The following SLCO2B1 variants were observed in gnomAD, a reference collection of about 807,000 sequenced individuals.
The protein encoded by SLCO2B1 is solute carrier organic anion transporter family member 2B1, also known as OATP-RP2.
SLCO2B1 carries 41 observed loss-of-function variants against 67.3 expected under a neutral mutation model. The ratio of observed to expected loss-of-function variants is 0.61; its 90% confidence interval spans 0.47 to 0.79. SLCO2B1 has a LOEUF of 0.79. Among genes scored for constraint, SLCO2B1 ranks in the 30% least tolerant of loss-of-function variants. The pLI, the probability that SLCO2B1 is intolerant of heterozygous loss-of-function variation, is 0.00. For synonymous variants in SLCO2B1, 379 were observed against 381.4 expected, an observed-to-expected ratio of 0.99 and a Z score of 0.07; for missense variants, 837 against 920.1, an observed-to-expected ratio of 0.91 and a Z score of 1.17.
chr11:75,200,641 A>G, intron 11 of SLCO2B1: 1 of 398,612 alleles, frequency 2.5e-6, no homozygotes, highest in Non-Finnish European at 4.5e-6. Flanking sequence ...GTTGGGTGGA[A>G]TAGTACTGGT....
At position 75,172,408 on chromosome 11, in the gene SLCO2B1, C is replaced by T. The variant is rs75431210; in HGVS notation, c.811C>T (p.Arg271Ter). ...GGISLTIKDP[R>*]WVGAWWLGFL... The stretch of plus-strand genomic sequence containing the variant: ...TATCAGCCTGACCATAAAGGACCCC[C>T]GATGGGTGGGTGCCTGGTGGCTGGG... The change falls in exon 7 of 14, where the codon CGA (arginine) becomes TGA (stop). Residue 271 changes from arginine to a stop codon, truncating the protein, a stop_gained. Coordinates refer to ENST00000289575, the MANE Select transcript of SLCO2B1 (RefSeq NM_007256.5). LOFTEE classifies it high-confidence loss of function. 3.1e-6 allele frequency: 5 copies of T among 1,613,926 alleles called. No homozygotes were observed. Among genetic ancestry groups the T allele is most frequent in the South Asian group, 2.2e-5 (2 of 91,048 alleles).
chr11:75,172,674 A>G (rs1362343874), intron 7 of SLCO2B1, 105 bp downstream of exon 7: 28 of 1,062,474 alleles, frequency 2.6e-5, no homozygotes, highest in Non-Finnish European at 3.6e-5. Context: ...TCACATCTGT[A>G]GTTCCAGCAC....
At chr11:75,182,214 T>A (rs1165243043) in intron 7 of SLCO2B1, among the ~76,000 whole-genome samples, 3 of 152,126 alleles carry the variant, frequency 2.0e-5, no homozygotes, top group Non-Finnish European at 4.4e-5. Flanking sequence ...ACCCAGCCCC[T>A]GAAGGTCTGT....
chr11:75,185,615 G>A (rs892503428), intron 7 of SLCO2B1, among the ~76,000 whole-genome samples: 3 of 143,224 alleles, frequency 2.1e-5, no homozygotes, highest in African/African-American at 7.8e-5. Context: ...TCTGAATCCA[G>A]ACCCCAAGAG....
chr11:75,173,185 A>G (rs1361992095), intron 7 of SLCO2B1, among the ~76,000 whole-genome samples: 1 of 152,150 alleles, frequency 6.6e-6, no homozygotes, highest in Non-Finnish European at 1.5e-5. Flanking sequence ...TGTGCTCATC[A>G]CTTAAAGTTT....
chr11:75,193,601 G>A lies in SLCO2B1; in HGVS notation c.1433+26G>A. On this transcript the variant is annotated intron_variant, in intron 9 of 13. Transcript: ENST00000289575. This position sits in a 1 kb window ranked among gnomAD's most constrained non-coding sequence, Gnocchi z 4.2. Reference sequence around the variant, plus strand: ...GTGAGTGTGTGCGTGGGCACGTAAAGGCAAGCCTGGGAGGACAGGACAGGG... The same window carrying A: ...GTGAGTGTGTGCGTGGGCACGTAAAAGCAAGCCTGGGAGGACAGGACAGGG... The A allele has an allele frequency of 1.3e-6, 2 of 1,513,086 alleles. No homozygotes were observed. The highest frequency in any genetic ancestry group is 1.8e-6 in the Non-Finnish European group (2 of 1,131,954). The allele number at this position is 1,513,086 out of a possible 1,614,324, so 93.7% of individuals were successfully genotyped here. A position where few individuals can be genotyped will look rare whatever the true frequency, so the allele number is the denominator to read the frequency against.
At chr11:75,152,650 G>A (rs1203384257) in intron 1 of SLCO2B1, 2 of 152,474 alleles carry the variant, frequency 1.3e-5, no homozygotes, top group African/African-American at 4.8e-5. Flanking sequence ...AGAGACTTTG[G>A]CTGCACTACA....
chr11:75,172,127 A>C (rs4944074), intron 6 of SLCO2B1, among the ~76,000 whole-genome samples: 42,074 of 152,118 alleles, frequency 0.28, 6,302 homozygotes, highest in Admixed American at 0.4. Context: ...CAGACCCAGC[A>C]GTCCGCCTCT....
At chr11:75,176,911 C>A (rs1448641335) in intron 7 of SLCO2B1, among the ~76,000 whole-genome samples, 1 of 152,160 alleles carries the variant, frequency 6.6e-6, no homozygotes, top group Non-Finnish European at 1.5e-5. Context: ...GGGTTAAAGA[C>A]CTGTCCAGAG....
At chr11:75,201,527 T>C (rs1358315367) in intron 11 of SLCO2B1, 1 of 152,154 alleles carries the variant, frequency 6.6e-6, no homozygotes, top group Non-Finnish European at 1.5e-5. Flanking sequence ...CCCACAAGAC[T>C]TTCCCTCCAC....
rs1591811882 is a variant in SLCO2B1, at chr11:75,164,153, A to G, written c.285+53A>G. 3 of 1,556,196 alleles carry G rather than the reference A, an allele frequency of 1.9e-6. No homozygotes were observed. The Admixed American group carries it at 5.6e-5, about 29-fold the overall frequency. On this transcript the variant is annotated intron_variant, in intron 3 of 13. Transcript: ENST00000289575. ...GGACACTGAGGGAGGCTTGCACCGC[A>G]CCTTCCACCAGCCTCCCCTCTCACT...
rs189583937 is a variant in SLCO2B1, at chr11:75,156,326, A to G, written c.16+4929A>G. Among the ~76,000 whole-genome samples the G allele has an allele frequency of 1.8e-4, 28 of 152,304 alleles. 1 individual carries two copies. Among genetic ancestry groups the G allele is most frequent in the Admixed American group, 1.6e-3 (24 of 15,296 alleles). On this transcript the variant is annotated intron_variant, in intron 1 of 13. Coordinates refer to ENST00000289575, the MANE Select transcript of SLCO2B1 (RefSeq NM_007256.5). ...AGGCAGATAAGAGGGAAACATAAGTAATGCAAGAGAGTGACCGGCAGAAAT... is the reference window on the plus strand; with the variant it reads ...AGGCAGATAAGAGGGAAACATAAGTGATGCAAGAGAGTGACCGGCAGAAAT...
chr11:75,191,394 G>A (rs1177905667), intron 8 of SLCO2B1, among the ~76,000 whole-genome samples: 1 of 152,176 alleles, frequency 6.6e-6, no homozygotes, highest in Non-Finnish European at 1.5e-5. Context: ...GGGTCAGAGC[G>A]AGCCTCATAC....
chr11:75,159,742 C>G (rs1026877547), intron 1 of SLCO2B1: 2 of 629,328 alleles, frequency 3.2e-6, no homozygotes, highest in Admixed American at 1.3e-4. Flanking sequence ...GCTTCCCTCC[C>G]CTGCCCAGAG....
chr11:75,171,518 A>G (rs1949960629), intron 6 of SLCO2B1, among the ~76,000 whole-genome samples: 3 of 152,166 alleles, frequency 2.0e-5, no homozygotes, highest in African/African-American at 7.2e-5. Flanking sequence ...TCAGTTTCCC[A>G]AAGTGCTGGG....
intron 7 of SLCO2B1, among the ~76,000 whole-genome samples, chr11:75,178,456 T>C (rs918112567): frequency 5.9e-5 from 9 of 152,362 alleles, no homozygotes; most frequent in Admixed American, 4.6e-4. Flanking sequence ...TAAACTTGTA[T>C]GCTTTTCCTT....
intron 7 of SLCO2B1, among the ~76,000 whole-genome samples, chr11:75,175,395 T>C (rs906314797): frequency 6.6e-6 from 1 of 151,798 alleles, no homozygotes; most frequent in African/African-American, 2.4e-5. Context: ...CCCCCAGACA[T>C]GGGATGTGTA....
At chr11:75,198,516 A>G (rs1945136092) in intron 10 of SLCO2B1, among the ~76,000 whole-genome samples, 1 of 152,248 alleles carries the variant, frequency 6.6e-6, no homozygotes, top group South Asian at 2.1e-4. Context: ...TGAGAAATGG[A>G]GGCCCAGGAA....
At chr11:75,180,229 C>G (rs1306277150) in intron 7 of SLCO2B1, among the ~76,000 whole-genome samples, 1 of 152,196 alleles carries the variant, frequency 6.6e-6, no homozygotes, top group Non-Finnish European at 1.5e-5. Context: ...GTTGGCCAGG[C>G]TGGCCTCGAA....
Sources: gnomAD v4.1 joint callset for allele counts (sites outside exome capture counted in the v4.1 genomes callset) on GRCh38, gnomAD v4.1.1 for gene constraint, Gnocchi (gnomAD v3.1) non-coding constraint, MANE v1.5 for transcripts, NCBI Gene and HGNC (gene_info 2026-07-23, HGNC 2026-07-21) for gene names.